Variants in ADAM22 observed in about 807,000 individuals in gnomAD.
The protein encoded by ADAM22 is ADAM metallopeptidase domain 22, also known as disintegrin and metalloproteinase domain-containing protein 22.
ADAM22 carries 65 observed loss-of-function variants against 144.6 expected under a neutral mutation model. That is an observed-to-expected ratio of 0.45 (90% CI 0.37 to 0.55). The LOEUF is 0.55. Ranked by LOEUF, ADAM22 falls within the 20% of genes least tolerant of loss-of-function variation. The pLI, the probability that ADAM22 is intolerant of heterozygous loss-of-function variation, is 0.00. For missense variants in ADAM22, 974 were observed against 1,184.9 expected, an observed-to-expected ratio of 0.82 and a Z score of 2.61; for synonymous variants, 391 against 412.6, an observed-to-expected ratio of 0.95 and a Z score of 0.63.
chr7:88,119,173 C>T (rs763367763), intron 7 of ADAM22, among the ~76,000 whole-genome samples: 7 of 152,148 alleles, frequency 4.6e-5, no homozygotes, highest in Non-Finnish European at 5.9e-5. Flanking sequence ...TTCCTGTGGA[C>T]ACTTATGCAC....
chr7:88,053,713 TG>T (rs1399488077), intron 3 of ADAM22, among the ~76,000 whole-genome samples: 1 of 152,190 alleles, frequency 6.6e-6, no homozygotes, highest in Non-Finnish European at 1.5e-5. Flanking sequence ...TACTAATACA[TG>T]TAGAAATGTT....
chr7:88,010,248 T>C (rs1007359278), intron 3 of ADAM22, among the ~76,000 whole-genome samples: 2 of 152,196 alleles, frequency 1.3e-5, no homozygotes, highest in African/African-American at 4.8e-5. Context: ...TTCAAATGTG[T>C]CTGATAAAAT....
At chr7:87,966,990 C>T (rs1849283855) in intron 2 of ADAM22, among the ~76,000 whole-genome samples, 1 of 151,912 alleles carries the variant, frequency 6.6e-6, no homozygotes, top group African/African-American at 2.4e-5. Context: ...TACCTCCATG[C>T]TATTCTCATG....
intron 3 of ADAM22, among the ~76,000 whole-genome samples, chr7:88,032,006 A>G (rs1490283547): frequency 3.3e-5 from 5 of 152,218 alleles, no homozygotes; most frequent in Admixed American, 3.3e-4. Flanking sequence ...ATGTATAGAA[A>G]TACCTGGATG....
intron 20 of ADAM22, 100 bp downstream of exon 20, chr7:88,151,420 T>TG (rs1838347641): frequency 1.5e-6 from 2 of 1,327,294 alleles, no homozygotes; most frequent in African/African-American, 2.9e-5. Context: ...ACTTTATGAC[T>TG]GGGGGATTCT....
intron 3 of ADAM22, among the ~76,000 whole-genome samples, chr7:88,058,468 A>G (rs949790075): frequency 4.6e-5 from 7 of 152,240 alleles, no homozygotes; most frequent in African/African-American, 7.2e-5. Context: ...AATATTCTTA[A>G]TAGGATAACA....
intron 2 of ADAM22, among the ~76,000 whole-genome samples, chr7:87,969,962 A>G (rs1299654959): frequency 6.6e-6 from 1 of 152,232 alleles, no homozygotes; most frequent in African/African-American, 2.4e-5. Flanking sequence ...TACAGACAGA[A>G]AACACTAATG....
chr7:88,191,575 T>G (rs530296909), intron 30 of ADAM22, among the ~76,000 whole-genome samples: 3 of 152,320 alleles, frequency 2.0e-5, no homozygotes, highest in Middle Eastern at 3.4e-3. Flanking sequence ...ATGTACCAAA[T>G]TTGTTTCTTA....
chr7:88,170,768 G>A (rs949378800), intron 25 of ADAM22, among the ~76,000 whole-genome samples: 9 of 151,910 alleles, frequency 5.9e-5, no homozygotes, highest in African/African-American at 2.2e-4. Context: ...CCTTTCTAAC[G>A]TGTCTCCAAA....
At chr7:87,991,352 ATTTTT>A (rs10549124) in intron 3 of ADAM22, among the ~76,000 whole-genome samples, 3 of 86,036 alleles carry the variant, frequency 3.5e-5, no homozygotes, top group Non-Finnish European at 4.2e-5. Flanking sequence ...CACTAGCCTT[ATTTTT>A]TTTTTTTTTT....
At chr7:88,136,258 AG>A (rs1257568374) in intron 14 of ADAM22, among the ~76,000 whole-genome samples, 4 of 152,182 alleles carry the variant, frequency 2.6e-5, no homozygotes, top group Admixed American at 6.5e-5. Context: ...GTAAGAAATG[AG>A]GGACAACTTT....
chr7:88,079,148 T>C (rs964163916), intron 4 of ADAM22, among the ~76,000 whole-genome samples: 5 of 152,344 alleles, frequency 3.3e-5, no homozygotes, highest in East Asian at 3.9e-4. Context: ...AGCTGATCTC[T>C]TGGCAGAAAC....
chr7:88,184,378 C>T, intron 29 of ADAM22: 1 of 433,434 alleles, frequency 2.3e-6, no homozygotes. Context: ...TCTGACAGCC[C>T]CCAGACAGGG....
chr7:88,119,837 C>T (rs1828821212), intron 7 of ADAM22, among the ~76,000 whole-genome samples: 1 of 152,170 alleles, frequency 6.6e-6, no homozygotes, highest in Non-Finnish European at 1.5e-5. Flanking sequence ...TAGGTTGTTT[C>T]CGGTTTTTGA....
At chr7:87,972,015 C>G (rs1850579532) in intron 2 of ADAM22, among the ~76,000 whole-genome samples, 2 of 152,148 alleles carry the variant, frequency 1.3e-5, no homozygotes, top group South Asian at 4.1e-4. Flanking sequence ...ACAGTGAAAC[C>G]CTGTCTCTAC....
At chr7:87,990,263 A>G (rs1184883606) in intron 3 of ADAM22, among the ~76,000 whole-genome samples, 4 of 152,200 alleles carry the variant, frequency 2.6e-5, no homozygotes, top group Admixed American at 6.5e-5. Context: ...TGGGAGTGCA[A>G]TGGAGCTTTA....
chr7:87,944,492 C>T (rs1843096015), intron 2 of ADAM22, among the ~76,000 whole-genome samples: 2 of 152,136 alleles, frequency 1.3e-5, no homozygotes, highest in African/African-American at 4.8e-5. Context: ...TGTGGCTCCT[C>T]AGCAGGCATA....
intron 3 of ADAM22, among the ~76,000 whole-genome samples, chr7:87,997,472 C>T (rs1174687278): frequency 6.6e-6 from 1 of 152,238 alleles, no homozygotes; most frequent in Non-Finnish European, 1.5e-5. Flanking sequence ...GTCTCACAGG[C>T]CTAAGTCATC....
chr7:88,117,661 G>A (rs1006337207), intron 7 of ADAM22, among the ~76,000 whole-genome samples: 8 of 151,262 alleles, frequency 5.3e-5, no homozygotes, highest in African/African-American at 1.2e-4. Flanking sequence ...GTATGGAGAT[G>A]CTTCCTCCAC....
Sources: allele counts gnomAD v4.1 joint callset (sites outside exome capture counted in the v4.1 genomes callset), GRCh38; gene constraint gnomAD v4.1.1; transcripts MANE v1.5; gene names NCBI Gene and HGNC (gene_info 2026-07-23, HGNC 2026-07-21).